The following RAD54B variants were observed in gnomAD, a reference collection of about 807,000 sequenced individuals.
RAD54B encodes DNA repair and recombination protein RAD54B.
In RAD54B, 78 loss-of-function variants were observed where a neutral mutation model predicts 95.8. The observed-to-expected ratio is 0.81, with a 90% confidence interval of 0.68 to 0.98. The LOEUF (loss-of-function observed/expected upper bound fraction) is 0.98, where lower values mean the gene tolerates loss of function less well. Among genes scored for constraint, RAD54B ranks in the 50% least tolerant of loss-of-function variants. RAD54B has a pLI of 0.00. For synonymous variants in RAD54B, 328 were observed against 354.9 expected, an observed-to-expected ratio of 0.92 and a Z score of 0.85; for missense variants, 957 against 1,056.6, an observed-to-expected ratio of 0.91 and a Z score of 1.31.
At chr8:94,414,766 A>G (rs989804378) in intron 3 of RAD54B, among the ~76,000 whole-genome samples, 1 of 152,170 alleles carries the variant, frequency 6.6e-6, no homozygotes, top group Non-Finnish European at 1.5e-5. Context: ...CCCATTCACA[A>G]TTGCTTCAAA....
intron 3 of RAD54B, among the ~76,000 whole-genome samples, chr8:94,423,203 G>A (rs1345895676): frequency 6.6e-6 from 1 of 152,052 alleles, no homozygotes; most frequent in Non-Finnish European, 1.5e-5. Flanking sequence ...CTAACATGGT[G>A]AAACCCCATC....
intron 3 of RAD54B, chr8:94,428,324 G>A: frequency 1.0e-6 from 1 of 983,382 alleles, no homozygotes; most frequent in Non-Finnish European, 1.2e-6. Flanking sequence ...AATTGTCTAT[G>A]ATATGCAAGA....
In RAD54B at chr8:94,390,227, C is replaced by T. The variant is rs1249594536; in HGVS notation, c.1809+1382G>A. On this transcript the variant is annotated intron_variant, in intron 10 of 14. Transcript: ENST00000336148. ...AAAAATAAATAAAAAGGGCCAGGTG[C>T]GGTGGCTCAAGCCTGTAATCCCAGC... Among the ~76,000 whole-genome samples, 6 of 151,742 alleles carry T rather than the reference C, an allele frequency of 4.0e-5. No homozygotes were observed. In the South Asian group the frequency reaches 8.4e-4, roughly 21 times the overall value.
At chr8:94,446,825 C>A (rs1282720568) in intron 3 of RAD54B, among the ~76,000 whole-genome samples, 1 of 152,098 alleles carries the variant, frequency 6.6e-6, no homozygotes, top group East Asian at 1.9e-4. Flanking sequence ...GCCACCAAGG[C>A]ATAGGGCCCT....
chr8:94,427,137 C>A (rs186672348), intron 3 of RAD54B, among the ~76,000 whole-genome samples: 4 of 152,036 alleles, frequency 2.6e-5, no homozygotes, highest in Admixed American at 2.6e-4. Context: ...GAGGTGAATT[C>A]ACACATAAAT....
chr8:94,467,961 A>C (rs9297939), intron 1 of RAD54B: 48,607 of 154,750 alleles, frequency 0.31, 8,113 homozygotes, highest in East Asian at 0.43. Flanking sequence ...ACAGGACTGA[A>C]CTCTAACTGC....
At chr8:94,440,155 C>G (rs1264459210) in intron 3 of RAD54B, among the ~76,000 whole-genome samples, 2 of 150,336 alleles carry the variant, frequency 1.3e-5, no homozygotes, top group Admixed American at 6.6e-5. Flanking sequence ...GTATGGTTTA[C>G]AGAGCATGAT....
In RAD54B at chr8:94,411,214, TC is replaced by T; in HGVS notation, c.405del (p.Lys137AsnfsTer13). ...YFSVVWCKPSKKKHKKWEGDA... is the reference protein window; with the variant it reads ...YFSVVWCKPSXKKHKKWEGDA... ...TCACCTTCCCACTTTTTATGTTTTT[TC>T]TTTGAAGGCTTACACCAAACAACAC... is the stretch of plus-strand genomic sequence containing the variant. On this transcript the variant is annotated frameshift_variant, in exon 4 of 15. Transcript: ENST00000336148. LOFTEE classifies it high-confidence loss of function. 2 of 1,612,322 alleles carry T rather than the reference TC, an allele frequency of 1.2e-6. No individual in the cohort carries two copies. Among genetic ancestry groups the T allele is most frequent in the South Asian group, 1.1e-5 (1 of 90,774 alleles).
intron 1 of RAD54B, 99 bp from the exon 2 acceptor site, chr8:94,467,654 C>T (rs1813062958): frequency 8.3e-7 from 1 of 1,207,836 alleles, no homozygotes; most frequent in Non-Finnish European, 1.1e-6. Flanking sequence ...GGAACAGAAA[C>T]CCCTCTTATG....
intron 8 of RAD54B, among the ~76,000 whole-genome samples, chr8:94,397,101 A>G (rs891743978): frequency 2.6e-5 from 4 of 152,116 alleles, no homozygotes; most frequent in Non-Finnish European, 5.9e-5. Context: ...CTATCAATCA[A>G]ACTGAATCCT....
chr8:94,460,313 A>G (rs192631292), intron 2 of RAD54B, among the ~76,000 whole-genome samples: 1 of 152,346 alleles, frequency 6.6e-6, no homozygotes, highest in Admixed American at 6.5e-5. Flanking sequence ...TCTACAAAAA[A>G]TACAAAAATT....
intron 11 of RAD54B, among the ~76,000 whole-genome samples, chr8:94,383,372 C>G (rs1810790564): frequency 6.6e-6 from 1 of 151,340 alleles, no homozygotes; most frequent in Non-Finnish European, 1.5e-5. Context: ...ACAGAGGACT[C>G]ACAGAGGAAA....
intron 14 of RAD54B, among the ~76,000 whole-genome samples, chr8:94,373,779 A>C (rs1810497906): frequency 6.6e-6 from 1 of 151,978 alleles, no homozygotes; most frequent in African/African-American, 2.4e-5. Context: ...TGGAGGTTTT[A>C]TTTTTTTAAC....
At chr8:94,404,900 G>A (rs564544484) in intron 5 of RAD54B, among the ~76,000 whole-genome samples, 8 of 151,986 alleles carry the variant, frequency 5.3e-5, no homozygotes, top group Admixed American at 2.0e-4. Flanking sequence ...TGCAACCTCC[G>A]CCTCCCAGGT....
intron 4 of RAD54B, among the ~76,000 whole-genome samples, chr8:94,408,243 G>A (rs1167724072): frequency 1.3e-5 from 2 of 152,000 alleles, no homozygotes; most frequent in Non-Finnish European, 2.9e-5. Context: ...AATAAAACAT[G>A]GAATATTTTG....
At chr8:94,432,622 T>C in intron 3 of RAD54B, 3 of 1,548,532 alleles carry the variant, frequency 1.9e-6, no homozygotes, top group Non-Finnish European at 2.6e-6. Flanking sequence ...TGTAGTGAAC[T>C]GGTACCAGCC....
intron 14 of RAD54B, among the ~76,000 whole-genome samples, chr8:94,373,819 A>G (rs566086146): frequency 6.6e-5 from 10 of 152,212 alleles, no homozygotes; most frequent in Non-Finnish European, 1.2e-4. Context: ...TCAAATAAAT[A>G]TAATAAATAT....
intron 10 of RAD54B, 30 bp from the exon 11 acceptor site, chr8:94,387,189 C>A: frequency 6.7e-7 from 1 of 1,499,476 alleles, no homozygotes; most frequent in Non-Finnish European, 8.9e-7. Context: ...TTAATGCTGG[C>A]TCAAGTTTGT....
At chr8:94,436,621 A>G in intron 3 of RAD54B, 1 of 1,550,486 alleles carries the variant, frequency 6.4e-7, no homozygotes, top group Non-Finnish European at 8.7e-7. Context: ...TTGCTGCAAT[A>G]GCTCCTGTTT....
Sources: allele counts gnomAD v4.1 joint callset (sites outside exome capture counted in the v4.1 genomes callset), GRCh38; gene constraint gnomAD v4.1.1; transcripts MANE v1.5; gene names NCBI Gene and HGNC (gene_info 2026-07-23, HGNC 2026-07-21).